BICD1: variants seen among roughly 807,000 people sequenced by gnomAD.
BICD1 encodes the protein BICD cargo adaptor 1.
BICD1 carries 35 observed loss-of-function variants against 92.5 expected under a neutral mutation model. That is an observed-to-expected ratio of 0.38 (90% CI 0.29 to 0.50). The LOEUF (loss-of-function observed/expected upper bound fraction) is 0.50, where lower values mean the gene tolerates loss of function less well. Ranked by LOEUF, BICD1 falls within the 20% of genes least tolerant of loss-of-function variation. BICD1 has a pLI of 0.93. For missense variants in BICD1, 950 were observed against 1,189.8 expected, an observed-to-expected ratio of 0.80 and a Z score of 2.97; for synonymous variants, 429 against 465.1, an observed-to-expected ratio of 0.92 and a Z score of 1.00.
At chr12:32,134,204 A>ATG (rs1046922470) in intron 1 of BICD1, among the ~76,000 whole-genome samples, 17 of 152,342 alleles carry the variant, frequency 1.1e-4, no homozygotes, top group Admixed American at 1.0e-3. Context: ...AAAGTAAAAC[A>ATG]TGTGACTGAT....
chr12:32,340,082 T>C lies in BICD1; in HGVS notation c.2764+1103T>C, dbSNP rs1938306170. ...CTGTAGTCTTTGAGTTTGCCACCGTTGAAATAGAATTTTTTTTTTCATTTT... is the reference window on the plus strand; with the variant it reads ...CTGTAGTCTTTGAGTTTGCCACCGTCGAAATAGAATTTTTTTTTTCATTTT... On this transcript the variant is annotated intron_variant, in intron 8 of 9. Coordinates refer to ENST00000652176, the MANE Select transcript of BICD1 (RefSeq NM_001714.4). The C allele has an allele frequency of 6.1e-6, 6 of 984,452 alleles. No homozygotes were observed. The Admixed American group carries it at 3.7e-4, about 61-fold the overall frequency. 61.0% of individuals were successfully genotyped at this position (984,452 alleles called of 1,614,324 possible). A position where few individuals can be genotyped will look rare whatever the true frequency, so the allele number is the denominator to read the frequency against.
At chr12:32,234,076 T>G (rs1428750443) in intron 2 of BICD1, among the ~76,000 whole-genome samples, 2 of 152,198 alleles carry the variant, frequency 1.3e-5, no homozygotes, top group African/African-American at 4.8e-5. Flanking sequence ...AACAAAAATA[T>G]TTTTAAAAAC....
chr12:32,273,628 T>C (rs575682680), intron 2 of BICD1, among the ~76,000 whole-genome samples: 1 of 152,364 alleles, frequency 6.6e-6, no homozygotes, highest in East Asian at 1.9e-4. Context: ...GATCAGCTAG[T>C]AGAGGGTGCC....
intron 1 of BICD1, among the ~76,000 whole-genome samples, chr12:32,111,700 C>A (rs12229634): frequency 0.11 from 16,079 of 149,876 alleles, 1,095 homozygotes; most frequent in East Asian, 0.28. Flanking sequence ...CTCCACCTCC[C>A]GGGTTCACGC....
intron 2 of BICD1, among the ~76,000 whole-genome samples, chr12:32,282,509 T>TGC (rs1197504836): frequency 6.6e-6 from 1 of 152,112 alleles, no homozygotes; most frequent in Non-Finnish European, 1.5e-5. Flanking sequence ...GAAGGATACT[T>TGC]CCTGAGCTCT....
intron 3 of BICD1, among the ~76,000 whole-genome samples, chr12:32,297,052 G>A (rs1398434891): frequency 6.6e-6 from 1 of 152,170 alleles, no homozygotes; most frequent in Non-Finnish European, 1.5e-5. Flanking sequence ...TCTGCACAGA[G>A]CACCATTCTG....
At chr12:32,239,595 C>A (rs537994423) in intron 2 of BICD1, among the ~76,000 whole-genome samples, 47 of 151,012 alleles carry the variant, frequency 3.1e-4, no homozygotes, top group Non-Finnish European at 5.9e-4. Context: ...TTTTAACACT[C>A]AAGTGTTTTT....
intron 2 of BICD1, among the ~76,000 whole-genome samples, chr12:32,280,711 G>A (rs763588197): frequency 3.9e-5 from 6 of 152,164 alleles, no homozygotes; most frequent in Non-Finnish European, 5.9e-5. Context: ...GGGGTGGCAC[G>A]TCCTGAAGTC....
chr12:32,290,997 T>G (rs934652096), intron 2 of BICD1, among the ~76,000 whole-genome samples: 2 of 152,238 alleles, frequency 1.3e-5, no homozygotes, highest in African/African-American at 4.8e-5. Context: ...ACGCCACTAC[T>G]TAGAGATTAC....
rs116320584 is a variant in BICD1, at chr12:32,219,763, T to A, written c.426+3304T>A. ...CTAACCTAGATTTTTTTCATCTAAT[T>A]CTCACTTTTAAACGTTTTGATTAGC... On this transcript the variant is annotated intron_variant, in intron 2 of 9. Coordinates refer to ENST00000652176, the MANE Select transcript of BICD1 (RefSeq NM_001714.4). Among the ~76,000 whole-genome samples, 504 of 152,340 alleles carry A rather than the reference T, an allele frequency of 3.3e-3. 5 individuals carry two copies. The highest frequency in any genetic ancestry group is 0.011 in the African/African-American group (474 of 41,578).
chr12:32,116,128 G>A (rs1941880768), intron 1 of BICD1, among the ~76,000 whole-genome samples: 2 of 151,668 alleles, frequency 1.3e-5, no homozygotes, highest in Non-Finnish European at 2.9e-5. Flanking sequence ...ATTTAATTAA[G>A]TCTATAAAAT....
rs61929085 is a variant in BICD1, at chr12:32,324,527, C to T, written c.1006-2934C>T. ...CTTTAATGTGCCAGCATCACTTCCT[C>T]TTCGACATTTTCATCCTTTTTGCAA... On this transcript the variant is annotated intron_variant, in intron 4 of 9. Coordinates refer to ENST00000652176, the MANE Select transcript of BICD1 (RefSeq NM_001714.4). Among the ~76,000 whole-genome samples the T allele has an allele frequency of 5.2e-3, 795 of 152,098 alleles. 7 individuals carry two copies. The highest frequency in any genetic ancestry group is 0.014 in the Middle Eastern group (4 of 294).
intron 1 of BICD1, among the ~76,000 whole-genome samples, chr12:32,122,135 C>T (rs1341519433): frequency 6.6e-6 from 1 of 151,900 alleles, no homozygotes; most frequent in Non-Finnish European, 1.5e-5. Context: ...TAATATTTTA[C>T]AATAATTTAG....
intron 1 of BICD1, among the ~76,000 whole-genome samples, chr12:32,165,388 C>G (rs1943726410): frequency 6.6e-6 from 1 of 151,950 alleles, no homozygotes; most frequent in Non-Finnish European, 1.5e-5. Context: ...TGGTGGCGGG[C>G]GCTTGTAGTC....
At chr12:32,207,247 C>CTT (rs1423205149) in intron 1 of BICD1, among the ~76,000 whole-genome samples, 1 of 7,890 alleles carries the variant, frequency 1.3e-4, no homozygotes, top group Non-Finnish European at 2.8e-3. Context: ...TACAAAAAAA[C>CTT]TCTCAACAGT....
At chr12:32,109,013 C>T in intron 1 of BICD1, 2 of 200,526 alleles carry the variant, frequency 1.0e-5, no homozygotes, top group Non-Finnish European at 2.0e-5. Context: ...CTATACCTAT[C>T]AACACTGCTT....
chr12:32,352,106 G>A (rs1004719074), intron 8 of BICD1, among the ~76,000 whole-genome samples: 6 of 152,064 alleles, frequency 3.9e-5, no homozygotes, highest in African/African-American at 1.4e-4. Context: ...TCAGGAGGCT[G>A]AGGCAGGACA....
At chr12:32,349,002 A>G (rs748240422) in intron 8 of BICD1, among the ~76,000 whole-genome samples, 2 of 152,004 alleles carry the variant, frequency 1.3e-5, no homozygotes, top group Non-Finnish European at 2.9e-5. Context: ...ACCAGCAATC[A>G]CTAGCCTACA....
chr12:32,218,869 A>G (rs1229432175), intron 2 of BICD1, among the ~76,000 whole-genome samples: 1 of 152,220 alleles, frequency 6.6e-6, no homozygotes, highest in Non-Finnish European at 1.5e-5. Context: ...CAGCAGATAC[A>G]TTTTATTTTG....
Sources: gnomAD v4.1 joint callset for allele counts (sites outside exome capture counted in the v4.1 genomes callset) on GRCh38, gnomAD v4.1.1 for gene constraint, MANE v1.5 for transcripts, NCBI Gene and HGNC (gene_info 2026-07-23, HGNC 2026-07-21) for gene names.